The following DPYD variants were observed in gnomAD, a reference collection of about 807,000 sequenced individuals.
DPYD encodes dihydropyrimidine dehydrogenase.
In DPYD, 109 loss-of-function variants were observed where a neutral mutation model predicts 116.2. That is an observed-to-expected ratio of 0.94 (90% CI 0.80 to 1.10). The LOEUF (loss-of-function observed/expected upper bound fraction) is 1.10. Among genes scored for constraint, DPYD ranks in the 50% least tolerant of loss-of-function variants. The pLI, the probability that DPYD is intolerant of heterozygous loss-of-function variation, is 0.00. For missense variants in DPYD, 1,302 were observed against 1,254.5 expected (o/e 1.04, Z -0.57); for synonymous variants, 440 against 432.0 (o/e 1.02, Z -0.23).
intron 3 of DPYD, chr1:97,797,019 C>T (rs1282179814): frequency 1.3e-5 from 2 of 152,130 alleles, no homozygotes; most frequent in African/African-American, 4.8e-5. Flanking sequence ...CAAAAGAGGT[C>T]TCTCTGTTCA....
rs149912233 is a variant in DPYD at position 97,907,442 on chromosome 1, A to T, written c.39+13442T>A. Among the ~76,000 whole-genome samples, 530 of 152,250 alleles carry T rather than the reference A, an allele frequency of 3.5e-3. 2 individuals carry two copies. Among genetic ancestry groups the T allele is most frequent in the African/African-American group, 0.012 (495 of 41,562 alleles). The stretch of plus-strand genomic sequence containing the variant: ...TTCCAAACAACAACATTATAAGATA[A>T]GCAGAACAAGGATCACGATCTCGAT... On this transcript the variant is annotated intron_variant, in intron 1 of 22. Coordinates refer to ENST00000370192, the MANE Select transcript of DPYD (RefSeq NM_000110.4).
chr1:97,454,867 A>C (rs1676600272), intron 13 of DPYD, among the ~76,000 whole-genome samples: 1 of 151,964 alleles, frequency 6.6e-6, no homozygotes, highest in Admixed American at 6.6e-5. Context: ...GGCTAGAAAA[A>C]GAATGGGGTC....
intron 3 of DPYD, among the ~76,000 whole-genome samples, chr1:97,756,649 C>T (rs1037529989): frequency 6.6e-6 from 1 of 151,984 alleles, no homozygotes; most frequent in African/African-American, 2.4e-5. Context: ...TTCAGAACAA[C>T]CCCACAGAGA....
intron 14 of DPYD, among the ~76,000 whole-genome samples, chr1:97,414,950 T>A (rs192437421): frequency 2.9e-3 from 436 of 152,354 alleles, no homozygotes; most frequent in African/African-American, 0.01. Context: ...ATTCTTTTTT[T>A]AAAAAACTCA....
chr1:97,349,266 C>T (rs975244229), intron 16 of DPYD, among the ~76,000 whole-genome samples: 1 of 150,776 alleles, frequency 6.6e-6, no homozygotes, highest in Admixed American at 6.6e-5. Context: ...TTAATATTAT[C>T]AATGTGAGCC....
intron 10 of DPYD, among the ~76,000 whole-genome samples, chr1:97,584,944 TATAATAATAATA>T (rs375682343): frequency 6.8e-6 from 1 of 146,052 alleles, no homozygotes; most frequent in Non-Finnish European, 1.5e-5. Context: ...AAACTTAAAG[TATAATAATAATA>T]ATAATAATAA....
chr1:97,131,766 G>A (rs770905110), intron 20 of DPYD, among the ~76,000 whole-genome samples: 3 of 152,058 alleles, frequency 2.0e-5, no homozygotes, highest in Non-Finnish European at 4.4e-5. Flanking sequence ...AGTGCAATAC[G>A]CCAAGGCATC....
intron 12 of DPYD, among the ~76,000 whole-genome samples, chr1:97,531,354 T>C (rs1350825592): frequency 6.6e-6 from 1 of 152,190 alleles, no homozygotes; most frequent in African/African-American, 2.4e-5. Flanking sequence ...CTTTTCCCAA[T>C]GTAACATTTA....
intron 18 of DPYD, among the ~76,000 whole-genome samples, chr1:97,252,480 G>T (rs1663164368): frequency 1.3e-5 from 2 of 152,116 alleles, no homozygotes; most frequent in African/African-American, 4.8e-5. Context: ...TGACATAAGT[G>T]TCTCATCGTC....
chr1:97,333,138 C>T (rs908881468), intron 16 of DPYD, among the ~76,000 whole-genome samples: 2 of 150,290 alleles, frequency 1.3e-5, no homozygotes, highest in Non-Finnish European at 2.9e-5. Flanking sequence ...TCACTGCAAC[C>T]TCCGCCTCCC....
chr1:97,785,047 T>C (rs751282355), intron 3 of DPYD, among the ~76,000 whole-genome samples: 1 of 152,202 alleles, frequency 6.6e-6, no homozygotes, highest in Non-Finnish European at 1.5e-5. Context: ...CAAATAAATT[T>C]ATTAATCTTT....
chr1:97,491,133 T>C (rs1424594997), intron 13 of DPYD, among the ~76,000 whole-genome samples: 3 of 147,818 alleles, frequency 2.0e-5, no homozygotes, highest in Admixed American at 1.4e-4. Context: ...AATGATATAT[T>C]ATTTCATAAT....
intron 16 of DPYD, among the ~76,000 whole-genome samples, chr1:97,322,288 T>A (rs1668339284): frequency 1.3e-5 from 2 of 151,740 alleles, no homozygotes; most frequent in Non-Finnish European, 2.9e-5. Flanking sequence ...AAAAAAAAAT[T>A]TCTTCCCACT....
intron 20 of DPYD, among the ~76,000 whole-genome samples, chr1:97,105,378 G>C (rs957632258): frequency 6.6e-6 from 1 of 152,062 alleles, no homozygotes; most frequent in Non-Finnish European, 1.5e-5. Flanking sequence ...AACAGGGAGA[G>C]CCACTATTTA....
chr1:97,324,878 G>C (rs1668634082), intron 16 of DPYD, among the ~76,000 whole-genome samples: 1 of 151,994 alleles, frequency 6.6e-6, no homozygotes, highest in Admixed American at 6.6e-5. Flanking sequence ...CAGTAATATA[G>C]TCCATAAGGG....
chr1:97,622,174 C>T (rs143315626), intron 8 of DPYD, among the ~76,000 whole-genome samples: 52 of 151,962 alleles, frequency 3.4e-4, no homozygotes, highest in African/African-American at 1.2e-3. Context: ...TGCAAAGAGT[C>T]ATAAAAGAGT....
intron 3 of DPYD, among the ~76,000 whole-genome samples, chr1:97,749,741 AT>A (rs532993186): frequency 4.6e-4 from 69 of 151,304 alleles, no homozygotes; most frequent in African/African-American, 8.7e-4. Context: ...GCCATATGTA[AT>A]TTTTTTTTGC....
chr1:97,820,992 C>T (rs749312931), intron 3 of DPYD, among the ~76,000 whole-genome samples: 1 of 151,976 alleles, frequency 6.6e-6, no homozygotes. Flanking sequence ...CACCTTTTCT[C>T]AAGTTATTCA....
intron 14 of DPYD, among the ~76,000 whole-genome samples, chr1:97,423,905 G>A (rs931094181): frequency 3.3e-5 from 5 of 152,068 alleles, no homozygotes; most frequent in African/African-American, 1.2e-4. Context: ...TAGCCTGTGA[G>A]TGCAAAATCT....
Sources: gnomAD v4.1 joint callset for allele counts (sites outside exome capture counted in the v4.1 genomes callset) on GRCh38, gnomAD v4.1.1 for gene constraint, MANE v1.5 for transcripts, NCBI Gene and HGNC (gene_info 2026-07-23, HGNC 2026-07-21) for gene names.